The following DYNC1LI1 variants were observed in gnomAD, a reference collection of about 807,000 sequenced individuals.
DYNC1LI1 encodes the protein cytoplasmic dynein 1 light intermediate chain 1.
Under a neutral mutation model 63.8 loss-of-function variants are expected in DYNC1LI1, and 19 were observed. That is an observed-to-expected ratio of 0.30 (90% CI 0.21 to 0.44). DYNC1LI1 has a LOEUF of 0.44. DYNC1LI1 is among the 20% of genes least tolerant of loss of function. The pLI, the probability that DYNC1LI1 is intolerant of heterozygous loss-of-function variation, is 1.00. For synonymous variants in DYNC1LI1, 225 were observed against 232.3 expected (o/e 0.97, Z 0.28); for missense variants, 565 against 630.2 (o/e 0.90, Z 1.11).
intron 5 of DYNC1LI1, among the ~76,000 whole-genome samples, chr3:32,537,927 A>AAT (rs1559436136): frequency 3.0e-5 from 1 of 33,262 alleles, no homozygotes; most frequent in Admixed American, 5.7e-4. Context: ...TATATATATA[A>AAT]TATATATATA....
chr3:32,568,489 C>T (rs1440636792), intron 2 of DYNC1LI1, among the ~76,000 whole-genome samples: 4 of 152,106 alleles, frequency 2.6e-5, no homozygotes, highest in Non-Finnish European at 5.9e-5. Flanking sequence ...ATATTAGATG[C>T]ACTTTATGAA....
intron 4 of DYNC1LI1, among the ~76,000 whole-genome samples, chr3:32,543,270 A>G (rs1015395199): frequency 6.6e-6 from 1 of 152,176 alleles, no homozygotes; most frequent in African/African-American, 2.4e-5. Flanking sequence ...ATCTCTTTCA[A>G]TGATTTACTA....
chr3:32,570,121 C>G, intron 2 of DYNC1LI1: 1 of 679,202 alleles, frequency 1.5e-6, no homozygotes, highest in Non-Finnish European at 2.7e-6. Context: ...CCCCATATAC[C>G]GGGGAGGAGG....
chr3:32,534,526 T>C lies in DYNC1LI1; in HGVS notation c.953A>G (p.Lys318Arg). 1.3e-6 allele frequency: 2 copies of C among 1,585,688 alleles called. No individual in the cohort carries two copies. Among genetic ancestry groups the C allele is most frequent in the African/African-American group, 1.4e-5 (1 of 73,900 alleles). Residue 318 changes from lysine (K) to arginine (R), a missense_variant, in exon 7 of 13, where the codon AAG becomes AGG. Physicochemically the swap from Lys to Arg is conservative, Grantham distance 26. Transcript: ENST00000273130. ...GTACACTTACATAAATACTGCATCCTTTTCCACAACAACAGCAGGAATCTT... is the reference window on the plus strand; with the variant it reads ...GTACACTTACATAAATACTGCATCCCTTTCCACAACAACAGCAGGAATCTT... ...PYKIPAVVVE[K>R]DAVFIPAGWD...
intron 7 of DYNC1LI1, among the ~76,000 whole-genome samples, chr3:32,533,341 G>A (rs1482297043): frequency 6.6e-6 from 1 of 152,130 alleles, no homozygotes; most frequent in Non-Finnish European, 1.5e-5. Context: ...GGCATGCATG[G>A]TGGCATGCAC....
At position 32,528,679 on chromosome 3, in the gene DYNC1LI1, C is replaced by A. The variant is rs990064676; in HGVS notation, c.1307-78G>T. The A allele has an allele frequency of 1.3e-5, 18 of 1,359,024 alleles. No individual in the cohort carries two copies. In the African/African-American group the frequency reaches 2.2e-4, roughly 17 times the overall value. The allele number at this position is 1,359,024 out of a possible 1,614,324, so 84.2% of individuals were successfully genotyped here. On this transcript the variant is annotated intron_variant, in intron 11 of 12. Coordinates refer to ENST00000273130, the MANE Select transcript of DYNC1LI1 (RefSeq NM_016141.4). ...TTAAATTATTATTACAGTAATCACA[C>A]ATAGAAAATGAATAAACTTAAATTT... is the stretch of plus-strand genomic sequence containing the variant.
chr3:32,568,087 C>A (rs1308038121), intron 2 of DYNC1LI1, among the ~76,000 whole-genome samples: 1 of 152,126 alleles, frequency 6.6e-6, no homozygotes, highest in Non-Finnish European at 1.5e-5. Context: ...ATCCACCCCT[C>A]GGCCTCCCAA....
At chr3:32,540,940 G>C in intron 5 of DYNC1LI1, 97 bp downstream of exon 5, 1 of 807,592 alleles carries the variant, frequency 1.2e-6, no homozygotes, top group Non-Finnish European at 1.8e-6. Flanking sequence ...AAATCATCTA[G>C]GAGAACTAAT....
chr3:32,546,020 G>A (rs926086237), intron 2 of DYNC1LI1, 55 bp from the exon 3 acceptor site: 6 of 1,261,574 alleles, frequency 4.8e-6, no homozygotes, highest in Non-Finnish European at 6.8e-6. Flanking sequence ...ATTATTTAAG[G>A]ATGCTTTCTA....
chr3:32,557,648 C>A (rs1220086372), intron 2 of DYNC1LI1, among the ~76,000 whole-genome samples: 1 of 152,038 alleles, frequency 6.6e-6, no homozygotes, highest in Non-Finnish European at 1.5e-5. Flanking sequence ...GTTTGGAAAA[C>A]ACAACACACC....
chr3:32,565,812 T>C (rs1351940323), intron 2 of DYNC1LI1, among the ~76,000 whole-genome samples: 1 of 152,184 alleles, frequency 6.6e-6, no homozygotes, highest in Non-Finnish European at 1.5e-5. Flanking sequence ...TTTCACCATA[T>C]TGGCCAGGCT....
At chr3:32,563,504 C>CTCGACATAATTCATGT (rs1698220069) in intron 2 of DYNC1LI1, among the ~76,000 whole-genome samples, 1 of 152,234 alleles carries the variant, frequency 6.6e-6, no homozygotes, top group African/African-American at 2.4e-5. Context: ...GTTGGCCAGG[C>CTCGACATAATTCATGT]TGGTCTCGAA....
In DYNC1LI1 at chr3:32,570,158, C is replaced by T. The variant is rs775022087; in HGVS notation, c.220+188G>A. 7.1e-6 allele frequency: 5 copies of T among 700,316 alleles called. 1 individual carries two copies. The Admixed American group carries it at 8.2e-5, about 11-fold the overall frequency. The allele number at this position is 700,316 out of a possible 1,614,324, so 43.4% of individuals were successfully genotyped here. On this transcript the variant is annotated intron_variant, in intron 2 of 12. Transcript: ENST00000273130. ...GGAGGAACCTGAGGGAGGGCGGGTC[C>T]CCGCAGGTCCTGGGTCAAGGGTCTC...
At chr3:32,550,964 T>C (rs550175693) in intron 2 of DYNC1LI1, among the ~76,000 whole-genome samples, 5 of 151,036 alleles carry the variant, frequency 3.3e-5, no homozygotes, top group South Asian at 4.2e-4. Context: ...TCTCTATTTA[T>C]AGTTTTTAAA....
chr3:32,569,158 G>A (rs1698307662), intron 2 of DYNC1LI1, among the ~76,000 whole-genome samples: 1 of 152,108 alleles, frequency 6.6e-6, no homozygotes, highest in South Asian at 2.1e-4. Flanking sequence ...AAGAAACTGA[G>A]GTTTATAGAT....
At chr3:32,537,912 TAA>T (rs1697799416) in intron 5 of DYNC1LI1, among the ~76,000 whole-genome samples, 1 of 74,204 alleles carries the variant, frequency 1.3e-5, no homozygotes, top group African/African-American at 6.7e-5. Context: ...TATATATATA[TAA>T]TTTATATATA....
In DYNC1LI1 at chr3:32,528,528, T is replaced by A. The variant is rs61729581; in HGVS notation, c.1380A>T (p.Gly460=). The change falls in exon 12 of 13, where the codon GGA becomes GGT. Residue 460 remains glycine, a synonymous_variant. Transcript: ENST00000273130. The part of the protein sequence containing the change: ...SLLSKKTGSP[G]GPGVSGGSPA... ...GGCTACCACCACTCACACCAGGGCC[T>A]CCTGGAGAGCCAGTCTTTTTACTCA... 1.1e-4 allele frequency: 174 copies of A among 1,613,994 alleles called. No homozygotes were observed. The African/African-American group carries it at 2.1e-3, about 20-fold the overall frequency.
chr3:32,559,685 C>A (rs1027875078), intron 2 of DYNC1LI1, among the ~76,000 whole-genome samples: 2 of 152,162 alleles, frequency 1.3e-5, no homozygotes, highest in African/African-American at 4.8e-5. Context: ...AGTACGCATG[C>A]CACTGTTTGA....
chr3:32,547,945 C>T (rs368268063), intron 2 of DYNC1LI1, among the ~76,000 whole-genome samples: 5 of 151,890 alleles, frequency 3.3e-5, no homozygotes, highest in East Asian at 1.9e-4. Context: ...AATAGTATTG[C>T]ATTGTGGGTA....
Sources: allele counts gnomAD v4.1 joint callset (sites outside exome capture counted in the v4.1 genomes callset), GRCh38; gene constraint gnomAD v4.1.1; transcripts MANE v1.5; gene names NCBI Gene and HGNC (gene_info 2026-07-23, HGNC 2026-07-21).